MANSC1: variants seen among roughly 807,000 people sequenced by gnomAD.
The protein encoded by MANSC1 is MANSC domain containing 1, also known as MANSC domain-containing protein 1.
MANSC1 carries 13 observed loss-of-function variants against 14.1 expected under a neutral mutation model. The ratio of observed to expected loss-of-function variants is 0.92; its 90% CI spans 0.60 to 1.46. MANSC1 has a LOEUF of 1.46. MANSC1 is among the 40% of genes most tolerant of loss of function. MANSC1 has a pLI of 0.00. For synonymous variants in MANSC1, 227 were observed against 200.7 expected, an observed-to-expected ratio of 1.13 and a Z score of -1.11; for missense variants, 486 against 511.4, an observed-to-expected ratio of 0.95 and a Z score of 0.48.
At chr12:12,338,956 A>C (rs74859423) in intron 2 of MANSC1, 2 of 197,942 alleles carry the variant, frequency 1.0e-5, no homozygotes, top group African/African-American at 4.8e-5. Flanking sequence ...CAGCAGCTCA[A>C]GACACTGTGG....
Position 12,330,581 on chromosome 12 carries a change from G to T in MANSC1, c.742C>A (p.Leu248Ile). 6.2e-7 allele frequency: 1 copy of T among 1,614,222 alleles called. No individual in the cohort carries two copies. The highest frequency in any genetic ancestry group is 8.5e-7 in the Non-Finnish European group (1 of 1,180,040). ...GGTGTCACTGAAGCATTGGTGGGTA[G>T]AAGGGTGGCGGGCTTTGGAGTAGCC... is the stretch of plus-strand genomic sequence containing the variant. Reference protein sequence around the residue: ...TSATPKPATLLPTNASVTPSG... With the variant: ...TSATPKPATLIPTNASVTPSG... The change falls in exon 4 of 4, where the codon CTA becomes ATA. Residue 248 changes from leucine (L) to isoleucine (I), a missense_variant. Leu to Ile is a conservative substitution (Grantham distance 5). Coordinates refer to ENST00000535902, the MANE Select transcript of MANSC1 (RefSeq NM_018050.4).
chr12:12,345,571 G>T (rs571406393), intron 1 of MANSC1, among the ~76,000 whole-genome samples: 2 of 152,270 alleles, frequency 1.3e-5, no homozygotes, highest in South Asian at 4.2e-4. Context: ...ACTCTATTGA[G>T]ATGCTGGTTC....
intron 1 of MANSC1, among the ~76,000 whole-genome samples, chr12:12,345,245 G>A (rs1192866306): frequency 3.5e-4 from 52 of 149,500 alleles, no homozygotes; most frequent in African/African-American, 1.2e-3. Flanking sequence ...ACTTGAACCC[G>A]GGAAGTGGAG....
rs559762719 is a variant in MANSC1, at chr12:12,331,694, T to C, written c.365-736A>G. 2.0e-5 allele frequency among the ~76,000 whole-genome samples: 3 copies of C among 152,116 alleles called. No homozygotes were observed. The South Asian group carries it at 6.2e-4, about 32-fold the overall frequency. ...CAGGAGAGAGGGAGCAGAATCCCTGTGGTGTGTCTCTGACAGGGAGGAGGA... is the reference window on the plus strand; with the variant it reads ...CAGGAGAGAGGGAGCAGAATCCCTGCGGTGTGTCTCTGACAGGGAGGAGGA... On this transcript the variant is annotated intron_variant, in intron 3 of 3. Coordinates refer to ENST00000535902, the MANE Select transcript of MANSC1 (RefSeq NM_018050.4).
rs1217057740 is a variant in MANSC1 at position 12,327,550 on chromosome 12, A to G, written c.*2477T>C. 6.6e-6 allele frequency: 1 copy of G among 152,190 alleles called. No individual in the cohort carries two copies. Among genetic ancestry groups the G allele is most frequent in the Non-Finnish European group, 1.5e-5 (1 of 68,022 alleles). 9.4% of individuals were successfully genotyped at this position (152,190 alleles called of 1,614,324 possible). A position where few individuals can be genotyped will look rare whatever the true frequency, so the allele number is the denominator to read the frequency against. The stretch of plus-strand genomic sequence containing the variant: ...AGAGAACTCCAAGAGAGCCAGGAAA[A>G]TACCTTTATAAACCATCACAGAAAG... On this transcript the variant is annotated 3_prime_UTR_variant, in exon 4 of 4. Transcript: ENST00000535902.
chr12:12,330,361 G>C lies in MANSC1; in HGVS notation c.962C>G (p.Pro321Arg). The C allele has an allele frequency of 6.2e-7, 1 of 1,614,196 alleles. No individual in the cohort carries two copies. The highest frequency in any genetic ancestry group is 8.5e-7 in the Non-Finnish European group (1 of 1,180,034). ...AGTTAGGTTGGAGATTTCTGTAAAC[G>C]GTATGGTTTCTAAGCTGCCTTTCGA... ...TDSKGSLETI[P>R]FTEISNLTLN... Residue 321 changes from proline to arginine, a missense_variant, in exon 4 of 4, where the codon CCG becomes CGG. Pro to Arg is a moderately radical substitution (Grantham distance 103). Transcript: ENST00000535902.
At chr12:12,333,398 T>C (rs1441214463) in intron 3 of MANSC1, among the ~76,000 whole-genome samples, 6 of 152,188 alleles carry the variant, frequency 3.9e-5, no homozygotes, top group South Asian at 4.1e-4. Flanking sequence ...GTAAACACTC[T>C]GTGATGTGTG....
intron 2 of MANSC1, 87 bp from the exon 3 acceptor site, chr12:12,338,647 G>T: frequency 8.2e-7 from 1 of 1,219,284 alleles, no homozygotes; most frequent in Non-Finnish European, 1.2e-6. Flanking sequence ...TTATTATGGA[G>T]TCCAACACAA....
chr12:12,348,527 C>A (rs911044144), intron 1 of MANSC1, among the ~76,000 whole-genome samples: 1 of 151,962 alleles, frequency 6.6e-6, no homozygotes, highest in African/African-American at 2.4e-5. Flanking sequence ...CCAGTGGTCA[C>A]CAGGAGAACA....
In MANSC1 at chr12:12,333,734, G is replaced by A. The variant is rs548998884; in HGVS notation, c.365-2776C>T. On this transcript the variant is annotated intron_variant, in intron 3 of 3. Transcript: ENST00000535902. ...ACGACTTCACTGAGTTGAAAAATGA[G>A]AGACTGACTATTACTGGGACCCCAG... 2.6e-4 allele frequency among the ~76,000 whole-genome samples: 40 copies of A among 152,300 alleles called. No individual in the cohort carries two copies. In the South Asian group the frequency reaches 7.7e-3, roughly 29 times the overall value.
chr12:12,333,773 C>G (rs1862822863), intron 3 of MANSC1, among the ~76,000 whole-genome samples: 1 of 152,218 alleles, frequency 6.6e-6, no homozygotes, highest in Non-Finnish European at 1.5e-5. Flanking sequence ...AGCAAACAGA[C>G]TCCCAATTTA....
intron 1 of MANSC1, among the ~76,000 whole-genome samples, chr12:12,347,778 C>T (rs1269015479): frequency 6.6e-6 from 1 of 152,116 alleles, no homozygotes; most frequent in African/African-American, 2.4e-5. Context: ...GAAATTCTCG[C>T]CTGGGCGCGG....
chr12:12,347,697 C>G (rs770202891), intron 1 of MANSC1, among the ~76,000 whole-genome samples: 2 of 152,134 alleles, frequency 1.3e-5, no homozygotes, highest in African/African-American at 4.8e-5. Context: ...AACAAGATAC[C>G]ACTACCCACC....
rs546742426 is a variant in MANSC1 at position 12,327,198 on chromosome 12, C to T, written c.*2829G>A. 167 of 152,356 alleles carry T rather than the reference C, an allele frequency of 1.1e-3. 2 individuals are homozygous for T. Among genetic ancestry groups the T allele is most frequent in the African/African-American group, 3.9e-3 (161 of 41,556 alleles). 9.4% of individuals were successfully genotyped at this position (152,356 alleles called of 1,614,324 possible). On this transcript the variant is annotated 3_prime_UTR_variant, in exon 4 of 4. Transcript: ENST00000535902. Reference sequence around the variant, plus strand: ...CAGAAGGACCTACCTCATCTTCTCACCTGTTCTAGGCTGCTACCTTCTCTT... The same window carrying T: ...CAGAAGGACCTACCTCATCTTCTCATCTGTTCTAGGCTGCTACCTTCTCTT...
chr12:12,340,158 C>T (rs1862915860), intron 2 of MANSC1, among the ~76,000 whole-genome samples: 1 of 152,130 alleles, frequency 6.6e-6, no homozygotes, highest in South Asian at 2.1e-4. Context: ...AAATTAAACC[C>T]TCTATTCATC....
intron 3 of MANSC1, among the ~76,000 whole-genome samples, chr12:12,331,362 G>A (rs1206114476): frequency 6.6e-6 from 1 of 152,204 alleles, no homozygotes; most frequent in African/African-American, 2.4e-5. Context: ...GCAAATTAAG[G>A]AAAAGGTGGG....
In MANSC1 at chr12:12,329,781, G is replaced by C. The variant is rs374627421; in HGVS notation, c.*246C>G. 84 of 428,994 alleles carry C rather than the reference G, an allele frequency of 2.0e-4. 1 individual carries two copies. Among genetic ancestry groups the C allele is most frequent in the African/African-American group, 1.6e-3 (82 of 50,304 alleles). The allele number at this position is 428,994 out of a possible 1,614,324, so 26.6% of individuals were successfully genotyped here. On this transcript the variant is annotated 3_prime_UTR_variant, in exon 4 of 4. Transcript: ENST00000535902. ...TGCCTGTAATCCCAGATACTTAGGAGGCTGAGGCAGGAGAATCGCTTGAAC... is the reference window on the plus strand; with the variant it reads ...TGCCTGTAATCCCAGATACTTAGGACGCTGAGGCAGGAGAATCGCTTGAAC...
At position 12,338,505 on chromosome 12, in the gene MANSC1, G is replaced by A. The variant is rs1862888279; in HGVS notation, c.279C>T (p.Pro93=). The change falls in exon 3 of 4, where the codon CCC becomes CCT. Residue 93 remains proline, a synonymous_variant. Coordinates refer to ENST00000535902, the MANE Select transcript of MANSC1 (RefSeq NM_018050.4). ...TGGGACAGAAAAATAGGTAGCAGTT[G>A]GGTTGTCTAGCTGTTTTTCGAGTGT... ...IFDTRKTARQ[P]NCYLFFCPNE... is the part of the protein sequence containing the mutation. 6.2e-7 allele frequency: 1 copy of A among 1,613,660 alleles called. No homozygotes were observed. Among genetic ancestry groups the A allele is most frequent in the Non-Finnish European group, 8.5e-7 (1 of 1,179,822 alleles).
intron 3 of MANSC1, among the ~76,000 whole-genome samples, chr12:12,333,913 C>T (rs764582905): frequency 2.0e-5 from 3 of 152,138 alleles, no homozygotes; most frequent in Non-Finnish European, 4.4e-5. Flanking sequence ...AATCCACTGT[C>T]ATCTTTCAAA....
Sources: allele counts gnomAD v4.1 joint callset (sites outside exome capture counted in the v4.1 genomes callset), GRCh38; gene constraint gnomAD v4.1.1; transcripts MANE v1.5; gene names NCBI Gene and HGNC (gene_info 2026-07-23, HGNC 2026-07-21).